Variants in TPST1 observed in about 807,000 individuals in gnomAD.
TPST1 encodes protein-tyrosine sulfotransferase 1.
A neutral mutation model predicts 34.8 loss-of-function variants in TPST1; 20 were observed. The ratio of observed to expected loss-of-function variants is 0.57; its 90% CI spans 0.40 to 0.84. TPST1 has a LOEUF of 0.84. Among genes scored for constraint, TPST1 ranks in the 40% least tolerant of loss-of-function variants. The pLI is 0.00. For synonymous variants in TPST1, 152 were observed against 159.4 expected, an observed-to-expected ratio of 0.95 and a Z score of 0.35; for missense variants, 353 against 455.5, an observed-to-expected ratio of 0.78 and a Z score of 2.05.
intron 2 of TPST1, among the ~76,000 whole-genome samples, chr7:66,244,679 A>G (rs1456124416): frequency 6.6e-6 from 1 of 152,240 alleles, no homozygotes; most frequent in Non-Finnish European, 1.5e-5. Context: ...ACAAGAGCGT[A>G]CAGTTACTTC....
intron 1 of TPST1, among the ~76,000 whole-genome samples, chr7:66,231,246 A>G (rs2116344425): frequency 6.6e-6 from 1 of 152,360 alleles, no homozygotes; most frequent in African/African-American, 2.4e-5. Flanking sequence ...CCTGAGCTAG[A>G]CATAAAGGTT....
intron 3 of TPST1, among the ~76,000 whole-genome samples, chr7:66,341,787 A>T (rs963123380): frequency 1.3e-5 from 2 of 152,234 alleles, no homozygotes; most frequent in African/African-American, 4.8e-5. Context: ...AAAACAATGT[A>T]ATAAGCAAAA....
chr7:66,304,923 T>C (rs1036447890), intron 3 of TPST1, among the ~76,000 whole-genome samples: 5 of 151,984 alleles, frequency 3.3e-5, no homozygotes, highest in African/African-American at 1.2e-4. Context: ...GCCCAAGCGA[T>C]CCGCCTGCCT....
At chr7:66,217,095 G>A (rs1584140956) in intron 1 of TPST1, among the ~76,000 whole-genome samples, 1 of 152,118 alleles carries the variant, frequency 6.6e-6, no homozygotes, top group East Asian at 1.9e-4. Flanking sequence ...ATTGGGACTT[G>A]TTCGAAAGCC....
chr7:66,240,696 G>T lies in TPST1; in HGVS notation c.271G>T (p.Ala91Ser). 1 of 1,614,144 alleles carries T rather than the reference G, an allele frequency of 6.2e-7. No individual in the cohort carries two copies. Among genetic ancestry groups the T allele is most frequent in the Non-Finnish European group, 8.5e-7 (1 of 1,180,040 alleles). Reference protein sequence around the residue: ...GTTLMRAMLDAHPDIRCGEET... With the variant: ...GTTLMRAMLDSHPDIRCGEET... ...CACACTCATGAGGGCCATGCTGGAC[G>T]CACATCCTGACATTCGCTGTGGAGA... Residue 91 changes from alanine to serine, a missense_variant, in exon 2 of 6, where the codon GCA becomes TCA. By Grantham distance (99) the Ala-to-Ser change is moderately conservative. Transcript: ENST00000304842.
At chr7:66,347,418 A>T (rs2116363598) in intron 3 of TPST1, among the ~76,000 whole-genome samples, 1 of 152,210 alleles carries the variant, frequency 6.6e-6, no homozygotes, top group South Asian at 2.1e-4. Context: ...TCCCAGCACC[A>T]TTTATTGAAG....
At chr7:66,328,369 A>G (rs1037589301) in intron 3 of TPST1, among the ~76,000 whole-genome samples, 2 of 151,916 alleles carry the variant, frequency 1.3e-5, no homozygotes, top group African/African-American at 4.8e-5. Context: ...AGAACATACT[A>G]TGCTCAATCA....
intron 1 of TPST1, among the ~76,000 whole-genome samples, chr7:66,233,006 T>G (rs1789831862): frequency 6.6e-6 from 1 of 152,228 alleles, no homozygotes; most frequent in Non-Finnish European, 1.5e-5. Flanking sequence ...CATATATTCT[T>G]TGGGGAAATA....
At chr7:66,231,789 A>G (rs1789801614) in intron 1 of TPST1, among the ~76,000 whole-genome samples, 1 of 152,222 alleles carries the variant, frequency 6.6e-6, no homozygotes, top group African/African-American at 2.4e-5. Context: ...GGGCTCCCAC[A>G]GTGCAGCGGT....
At chr7:66,323,440 G>T (rs1486734541) in intron 3 of TPST1, among the ~76,000 whole-genome samples, 1 of 152,058 alleles carries the variant, frequency 6.6e-6, no homozygotes, top group Non-Finnish European at 1.5e-5. Flanking sequence ...GTTGAGTTTT[G>T]CCCAGTGTTT....
chr7:66,210,530 G>C (rs1370940212), intron 1 of TPST1, among the ~76,000 whole-genome samples: 3 of 152,196 alleles, frequency 2.0e-5, no homozygotes, highest in African/African-American at 7.2e-5. Context: ...GTATCATTTG[G>C]TCTGGTGCAG....
chr7:66,340,636 T>C (rs533123111), intron 3 of TPST1, among the ~76,000 whole-genome samples: 2 of 152,042 alleles, frequency 1.3e-5, no homozygotes, highest in East Asian at 3.9e-4. Flanking sequence ...GCAATCCCAT[T>C]TACATAGCTA....
At chr7:66,211,579 G>A (rs1018389300) in intron 1 of TPST1, among the ~76,000 whole-genome samples, 1 of 152,220 alleles carries the variant, frequency 6.6e-6, no homozygotes, top group Non-Finnish European at 1.5e-5. Flanking sequence ...ATAAAACAGA[G>A]CTTGAACTCA....
chr7:66,317,050 A>C (rs1376167356), intron 3 of TPST1, among the ~76,000 whole-genome samples: 1 of 152,218 alleles, frequency 6.6e-6, no homozygotes, highest in African/African-American at 2.4e-5. Context: ...ACAAAACTGT[A>C]CATGTTCCCC....
At chr7:66,342,296 A>T (rs1326792871) in intron 3 of TPST1, among the ~76,000 whole-genome samples, 1 of 152,168 alleles carries the variant, frequency 6.6e-6, no homozygotes, top group East Asian at 1.9e-4. Flanking sequence ...GTGCATACTG[A>T]GAATCACAGA....
chr7:66,270,825 G>C (rs769703830), intron 2 of TPST1, among the ~76,000 whole-genome samples: 1 of 152,092 alleles, frequency 6.6e-6, no homozygotes, highest in Admixed American at 6.6e-5. Context: ...CATTATGTGT[G>C]GTTGTCATTT....
chr7:66,276,000 T>TA (rs553570002), intron 2 of TPST1, among the ~76,000 whole-genome samples: 17 of 147,162 alleles, frequency 1.2e-4, no homozygotes, highest in South Asian at 6.4e-4. Context: ...AAACTTAATT[T>TA]AAAAAAAAAA....
At chr7:66,311,199 T>G (rs1791526268) in intron 3 of TPST1, among the ~76,000 whole-genome samples, 1 of 151,984 alleles carries the variant, frequency 6.6e-6, no homozygotes, top group South Asian at 2.1e-4. Context: ...TGCAGTGGCA[T>G]GATGATAGCT....
chr7:66,215,031 TAATC>T (rs1435169117), intron 1 of TPST1, among the ~76,000 whole-genome samples: 6 of 147,308 alleles, frequency 4.1e-5, no homozygotes, highest in South Asian at 2.1e-4. Flanking sequence ...TTTAATATAT[TAATC>T]TATATTATAT....
Sources: gnomAD v4.1 joint callset for allele counts (sites outside exome capture counted in the v4.1 genomes callset) on GRCh38, gnomAD v4.1.1 for gene constraint, MANE v1.5 for transcripts, NCBI Gene and HGNC (gene_info 2026-07-23, HGNC 2026-07-21) for gene names.